The following ATP7A variants were observed in gnomAD, a reference collection of about 807,000 sequenced individuals.
ATP7A encodes copper-transporting ATPase 1.
ATP7A carries 7 observed loss-of-function variants against 83.5 expected under a neutral mutation model. The observed-to-expected ratio is 0.08, with a 90% CI of 0.05 to 0.16. The LOEUF (loss-of-function observed/expected upper bound fraction) is 0.16. Among genes scored for constraint, ATP7A ranks in the 10% least tolerant of loss-of-function variants. The pLI is 1.00. For synonymous variants in ATP7A, 354 were observed against 395.2 expected, an observed-to-expected ratio of 0.90 and a Z score of 1.24; for missense variants, 940 against 1,120.8, an observed-to-expected ratio of 0.84 and a Z score of 2.30.
At chrX:77,998,781 G>A (rs1160766853) in intron 5 of ATP7A, 97 bp downstream of exon 5, 9 of 937,028 alleles carry the variant, frequency 9.6e-6, no homozygotes, top group African/African-American at 3.9e-5. Context: ...ATGATTCTTG[G>A]TAAGGCCTCA....
At chrX:77,961,215 A>G (rs782131778) in intron 1 of ATP7A, among the ~76,000 whole-genome samples, 41 of 111,996 alleles carry the variant, frequency 3.7e-4, no homozygotes, top group Non-Finnish European at 6.6e-4. Flanking sequence ...GTTTGTGCTC[A>G]CACATTGTGG....
chrX:78,031,256 A>G, intron 15 of ATP7A, 144 bp from the exon 16 acceptor site: 1 of 544,819 alleles, frequency 1.8e-6, no homozygotes, highest in Non-Finnish European at 3.1e-6. Context: ...CCCGAAGACC[A>G]TCAGTTTTTT....
intron 21 of ATP7A, among the ~76,000 whole-genome samples, chrX:78,044,810 G>C (rs1557238892): frequency 9.0e-6 from 1 of 111,691 alleles, no homozygotes; most frequent in African/African-American, 3.3e-5. Flanking sequence ...TTTTCTTCTT[G>C]TTCTCTCTGG....
At chrX:77,944,676 A>G (rs1338892074) in intron 1 of ATP7A, among the ~76,000 whole-genome samples, 2 of 108,651 alleles carry the variant, frequency 1.8e-5, no homozygotes, top group Non-Finnish European at 3.8e-5. Flanking sequence ...TCCTCTAGTG[A>G]TCCTCCTGTG....
intron 1 of ATP7A, among the ~76,000 whole-genome samples, chrX:77,958,766 C>A (rs1603376457): frequency 9.8e-6 from 1 of 102,287 alleles, no homozygotes; most frequent in Admixed American, 1.1e-4. Context: ...TCTTCAATTT[C>A]TTTCATCAAT....
intron 2 of ATP7A, among the ~76,000 whole-genome samples, chrX:77,982,199 C>T (rs1225040364): frequency 9.0e-6 from 1 of 111,678 alleles, no homozygotes; most frequent in Admixed American, 9.6e-5. Flanking sequence ...TGTCACTTTT[C>T]TGACTTCAGT....
intron 1 of ATP7A, among the ~76,000 whole-genome samples, chrX:77,914,783 A>C (rs2077176796): frequency 9.0e-6 from 1 of 111,606 alleles, no homozygotes; most frequent in South Asian, 3.6e-4. Context: ...CTAAATGTAT[A>C]TTTAGATATA....
At chrX:77,930,637 C>A (rs190299223) in intron 1 of ATP7A, among the ~76,000 whole-genome samples, 88 of 112,031 alleles carry the variant, frequency 7.9e-4, no homozygotes, top group Admixed American at 1.6e-3. Flanking sequence ...TAACTACTTA[C>A]CAGCTATATG....
rs149576827 is a variant in ATP7A at position 78,033,789 on chromosome X, C to T, written c.3479C>T (p.Ser1160Leu). 2.4e-5 allele frequency: 29 copies of T among 1,208,752 alleles called. No homozygotes were observed. In the African/African-American group the frequency reaches 3.3e-4, roughly 14 times the overall value. ...IDASNEQSSTSSSMIIDAQIS... is the reference protein window; with the variant it reads ...IDASNEQSSTLSSMIIDAQIS... ...GCCAGTAATGAACAGTCATCAACTT[C>T]GTCTTCCATGATTATTGATGCCCAG... Residue 1160 changes from serine to leucine, a missense_variant, in exon 17 of 23, where the codon TCG (serine) becomes TTG (leucine). Transcript: ENST00000341514.
chrX:77,937,017 T>C (rs942733272), intron 1 of ATP7A, among the ~76,000 whole-genome samples: 2 of 111,980 alleles, frequency 1.8e-5, no homozygotes, highest in Non-Finnish European at 3.8e-5. Context: ...AACAACCAAA[T>C]AACAAAATGG....
chrX:77,932,156 T>C (rs868913425), intron 1 of ATP7A, among the ~76,000 whole-genome samples: 44 of 98,199 alleles, frequency 4.5e-4, no homozygotes, highest in African/African-American at 1.5e-3. Flanking sequence ...GATGGGGCAG[T>C]TGCCGGGCGG....
At chrX:78,033,490 A>ATTTTG (rs1557237395) in intron 16 of ATP7A, 115 bp from the exon 17 acceptor site, 2 of 699,143 alleles carry the variant, frequency 2.9e-6, no homozygotes, top group African/African-American at 4.3e-5. Flanking sequence ...CAAGTAGGCA[A>ATTTTG]TATGTGACAA....
chrX:78,044,255 C>CAAA (rs782578875), intron 21 of ATP7A, among the ~76,000 whole-genome samples: 13,372 of 61,506 alleles, frequency 0.22, 1,490 homozygotes, highest in South Asian at 0.32. Context: ...ACTCCGTCTC[C>CAAA]AAAAAAAAAA....
At chrX:78,009,516 A>C in intron 7 of ATP7A, 1 of 345,735 alleles carries the variant, frequency 2.9e-6, no homozygotes, top group Non-Finnish European at 5.0e-6. Flanking sequence ...CAAAACACTT[A>C]AAATATTTAG....
chrX:77,987,006 C>T (rs1228086931), intron 2 of ATP7A, among the ~76,000 whole-genome samples: 6 of 112,054 alleles, frequency 5.4e-5, no homozygotes, highest in African/African-American at 1.9e-4. Context: ...TTATCTTTCT[C>T]TACTTTTTTG....
intron 1 of ATP7A, among the ~76,000 whole-genome samples, chrX:77,929,682 G>A (rs1462898891): frequency 1.1e-4 from 11 of 101,425 alleles, no homozygotes; most frequent in Non-Finnish European, 4.0e-5. Flanking sequence ...TGCCCAGGCT[G>A]GTCTTGAACT....
intron 6 of ATP7A, among the ~76,000 whole-genome samples, chrX:78,004,892 AAAAAT>A (rs1235917341): frequency 9.0e-6 from 1 of 110,646 alleles, no homozygotes; most frequent in Non-Finnish European, 1.9e-5. Flanking sequence ...CAAAAAATAA[AAAAAT>A]AAAAATAAAA....
chrX:77,964,535 AT>A (rs2077492930), intron 1 of ATP7A: 1 of 110,633 alleles, frequency 9.0e-6, no homozygotes, highest in African/African-American at 3.3e-5. Flanking sequence ...CATCACCTAC[AT>A]TAGGTATTTC....
In ATP7A at chrX:78,011,554, T is replaced by G. The variant is rs781837620; in HGVS notation, c.2052T>G (p.Asn684Lys). Reference protein sequence around the residue: ...MDHHFATLHHNQNMSKEEMIN... With the variant: ...MDHHFATLHHKQNMSKEEMIN... ...ACCACTTTGCAACTCTTCACCATAA[T>G]CAAAACATGAGTAAAGAAGAAATGA... The change falls in exon 9 of 23, where the codon AAT (asparagine) becomes AAG (lysine). Residue 684 changes from asparagine (N) to lysine (K), a missense_variant. Coordinates refer to ENST00000341514, the MANE Select transcript of ATP7A (RefSeq NM_000052.7). 1.2e-5 allele frequency: 14 copies of G among 1,209,343 alleles called. No homozygotes were observed. The South Asian group carries it at 2.5e-4, about 21-fold the overall frequency.
Sources: gnomAD v4.1 joint callset for allele counts (sites outside exome capture counted in the v4.1 genomes callset) on GRCh38, gnomAD v4.1.1 for gene constraint, MANE v1.5 for transcripts, NCBI Gene and HGNC (gene_info 2026-07-23, HGNC 2026-07-21) for gene names.